The following CYP19A1 variants were observed in gnomAD, a reference collection of about 807,000 sequenced individuals.
CYP19A1 encodes the protein cytochrome P450 family 19 subfamily A member 1.
In CYP19A1, 32 loss-of-function variants were observed where a neutral mutation model predicts 44.4. The ratio of observed to expected loss-of-function variants is 0.72; its 90% CI spans 0.54 to 0.97. CYP19A1 has a LOEUF of 0.97. Among genes scored for constraint, CYP19A1 ranks in the 50% least tolerant of loss-of-function variants. The pLI is 0.00. For missense variants in CYP19A1, 598 were observed against 637.8 expected, an observed-to-expected ratio of 0.94 and a Z score of 0.67; for synonymous variants, 212 against 215.6, an observed-to-expected ratio of 0.98 and a Z score of 0.14.
At chr15:51,288,890 T>C (rs2035775378) in intron 1 of CYP19A1, among the ~76,000 whole-genome samples, 1 of 152,128 alleles carries the variant, frequency 6.6e-6, no homozygotes, top group South Asian at 2.1e-4. Context: ...CCCTGCCGTC[T>C]CCCAGCCTAA....
chr15:51,314,196 A>T (rs2036377077), intron 1 of CYP19A1: 1 of 152,088 alleles, frequency 6.6e-6, no homozygotes, highest in Non-Finnish European at 1.5e-5. Context: ...TGCTGGCCTC[A>T]CTCACCAGTG....
At chr15:51,325,788 A>C (rs1425315282) in intron 1 of CYP19A1, among the ~76,000 whole-genome samples, 1 of 145,976 alleles carries the variant, frequency 6.9e-6, no homozygotes, top group African/African-American at 2.6e-5. Context: ...CAGTGAGCCA[A>C]GATGGCGCCA....
rs979891759 is a variant in CYP19A1, at chr15:51,210,433, C to T, written c.*375G>A. 9.7e-6 allele frequency: 5 copies of T among 517,342 alleles called. No homozygotes were observed. Among genetic ancestry groups the T allele is most frequent in the African/African-American group, 9.5e-5 (5 of 52,788 alleles). 32.0% of individuals were successfully genotyped at this position (517,342 alleles called of 1,614,324 possible). On this transcript the variant is annotated 3_prime_UTR_variant, in exon 10 of 10. Transcript: ENST00000396402. The stretch of plus-strand genomic sequence containing the variant: ...CTAATCAACTTGAGTGTTTCTGCCC[C>T]AGACATAAAAATCCCCTTGGGTTGA...
chr15:51,247,050 A>G (rs2034090895), intron 1 of CYP19A1, among the ~76,000 whole-genome samples: 1 of 151,902 alleles, frequency 6.6e-6, no homozygotes, highest in Non-Finnish European at 1.5e-5. Flanking sequence ...TTTGTTCTTG[A>G]TCTCATTCTG....
chr15:51,281,730 A>G (rs1025292099), intron 1 of CYP19A1, among the ~76,000 whole-genome samples: 2 of 152,148 alleles, frequency 1.3e-5, no homozygotes, highest in African/African-American at 4.8e-5. Flanking sequence ...AAAGAAAAGA[A>G]TGATGCCCTG....
chr15:51,308,209 C>T (rs2036248695), intron 1 of CYP19A1, among the ~76,000 whole-genome samples: 1 of 152,140 alleles, frequency 6.6e-6, no homozygotes, highest in Non-Finnish European at 1.5e-5. Flanking sequence ...CTTCCCATGT[C>T]AACGCCCCCA....
At chr15:51,328,129 T>C (rs150014059) in intron 1 of CYP19A1, among the ~76,000 whole-genome samples, 2 of 152,352 alleles carry the variant, frequency 1.3e-5, no homozygotes, top group African/African-American at 4.8e-5. Flanking sequence ...ATTTGTAACA[T>C]GATTTTCCAA....
intron 1 of CYP19A1, among the ~76,000 whole-genome samples, chr15:51,273,877 G>A (rs2035212092): frequency 6.6e-6 from 1 of 152,068 alleles, no homozygotes; most frequent in Non-Finnish European, 1.5e-5. Flanking sequence ...CATGGTGGCA[G>A]GCGCCTGTAA....
At chr15:51,277,410 A>C (rs1009560602) in intron 1 of CYP19A1, 1 of 152,248 alleles carries the variant, frequency 6.6e-6, no homozygotes, top group African/African-American at 2.4e-5. Context: ...AACAAGGTAC[A>C]GATGCCTGTA....
chr15:51,229,270 G>A (rs1191681593), intron 3 of CYP19A1, among the ~76,000 whole-genome samples: 1 of 151,446 alleles, frequency 6.6e-6, no homozygotes, highest in Non-Finnish European at 1.5e-5. Context: ...TGTGCCTGTA[G>A]TCCCAACTAC....
chr15:51,327,430 C>T, intron 1 of CYP19A1, among the ~76,000 whole-genome samples: 1 of 152,224 alleles, frequency 6.6e-6, no homozygotes. Context: ...TGTTCTCACC[C>T]CCCAAATCAT....
At chr15:51,231,469 T>C (rs940714322) in intron 3 of CYP19A1, among the ~76,000 whole-genome samples, 1 of 152,078 alleles carries the variant, frequency 6.6e-6, no homozygotes, top group Admixed American at 6.5e-5. Context: ...AAAATTAAAA[T>C]ACCCTTCCCT....
chr15:51,240,266 C>G (rs1424115014), intron 2 of CYP19A1, among the ~76,000 whole-genome samples: 2 of 152,138 alleles, frequency 1.3e-5, no homozygotes, highest in Non-Finnish European at 2.9e-5. Flanking sequence ...AGCCTGTTTA[C>G]TTAGCAGTAA....
At chr15:51,290,046 G>A (rs1212208746) in intron 1 of CYP19A1, among the ~76,000 whole-genome samples, 1 of 152,196 alleles carries the variant, frequency 6.6e-6, no homozygotes, top group Non-Finnish European at 1.5e-5. Context: ...TCTTTTGAGT[G>A]TGGTCTCCCC....
intron 2 of CYP19A1, among the ~76,000 whole-genome samples, chr15:51,240,320 T>C (rs76058604): frequency 6.6e-6 from 1 of 152,250 alleles, no homozygotes; most frequent in African/African-American, 2.4e-5. Flanking sequence ...GTTTCATCAT[T>C]ACTAGTTGTG....
chr15:51,283,907 T>C (rs1442112251), intron 1 of CYP19A1, among the ~76,000 whole-genome samples: 1 of 152,170 alleles, frequency 6.6e-6, no homozygotes, highest in Non-Finnish European at 1.5e-5. Context: ...TGCAGCACAA[T>C]TACCATCTCC....
chr15:51,286,508 A>T (rs1330563364), intron 1 of CYP19A1, among the ~76,000 whole-genome samples: 1 of 152,224 alleles, frequency 6.6e-6, no homozygotes, highest in African/African-American at 2.4e-5. Flanking sequence ...TATGGTACAA[A>T]GTGCTTATTC....
chr15:51,218,348 A>AT, intron 6 of CYP19A1, 193 bp downstream of exon 6: 1 of 800,238 alleles, frequency 1.2e-6, no homozygotes. Flanking sequence ...CAAAGGCTTC[A>AT]TTTACTCTCT....
intron 5 of CYP19A1, among the ~76,000 whole-genome samples, chr15:51,219,073 C>T (rs946709960): frequency 2.0e-5 from 3 of 152,190 alleles, no homozygotes; most frequent in African/African-American, 7.2e-5. Flanking sequence ...CTAACAACCA[C>T]ATTTTAACTT....
Sources: gnomAD v4.1 joint callset for allele counts (sites outside exome capture counted in the v4.1 genomes callset) on GRCh38, gnomAD v4.1.1 for gene constraint, MANE v1.5 for transcripts, NCBI Gene and HGNC (gene_info 2026-07-23, HGNC 2026-07-21) for gene names.